The following PGM5 variants were observed in gnomAD, a reference collection of about 807,000 sequenced individuals.
The protein encoded by PGM5 is phosphoglucomutase-like protein 5.
Under a neutral mutation model 59.2 loss-of-function variants are expected in PGM5, and 23 were observed. That is an observed-to-expected ratio of 0.39 (90% CI 0.28 to 0.55). PGM5 has a LOEUF of 0.55. PGM5 is among the 20% of genes least tolerant of loss of function. The pLI is 0.66. For synonymous variants in PGM5, 214 were observed against 286.0 expected (o/e 0.75, Z 2.54); for missense variants, 574 against 748.3 (o/e 0.77, Z 2.72).
chr9:68,389,966 A>G (rs574899404), intron 4 of PGM5, among the ~76,000 whole-genome samples: 84 of 152,228 alleles, frequency 5.5e-4, no homozygotes, highest in African/African-American at 1.9e-3. Flanking sequence ...TTAGGATATT[A>G]CTGATATATT....
At chr9:68,376,379 T>C (rs1821883664) in intron 1 of PGM5, among the ~76,000 whole-genome samples, 1 of 152,130 alleles carries the variant, frequency 6.6e-6, no homozygotes, top group African/African-American at 2.4e-5. Flanking sequence ...TTATTGCTTA[T>C]TTGTTTATAA....
In PGM5 at chr9:68,406,254, G is replaced by A. The variant is rs1241634320; in HGVS notation, c.1043+13781G>A. The A allele has an allele frequency of 3.3e-5, 5 of 152,104 alleles. 1 individual carries two copies. In the South Asian group the frequency reaches 8.3e-4, roughly 25 times the overall value. 9.4% of individuals were successfully genotyped at this position (152,104 alleles called of 1,614,324 possible). A position where few individuals can be genotyped will look rare whatever the true frequency, so the allele number is the denominator to read the frequency against. On this transcript the variant is annotated intron_variant, in intron 6 of 10. Transcript: ENST00000396396. ...AGTCTATTTTTGGTTTCTTATAACA[G>A]AATACCTGAAACTTGGTAATTTATG...
intron 6 of PGM5, chr9:68,398,232 A>G (rs1363950502): frequency 1.1e-4 from 16 of 152,246 alleles, no homozygotes; most frequent in African/African-American, 3.9e-4. Flanking sequence ...CTATATTAAC[A>G]TAAAAGAAAA....
intron 6 of PGM5, among the ~76,000 whole-genome samples, chr9:68,425,566 A>G (rs542245888): frequency 3.3e-5 from 5 of 152,342 alleles, no homozygotes; most frequent in East Asian, 1.9e-4. Context: ...TTGAGTTTGG[A>G]TCAAATCCTA....
chr9:68,359,406 G>T (rs557678616), intron 1 of PGM5, among the ~76,000 whole-genome samples: 1 of 152,158 alleles, frequency 6.6e-6, no homozygotes, highest in Non-Finnish European at 1.5e-5. Context: ...GGGCATGGGT[G>T]AAGGGAATGG....
rs182002553 is a variant in PGM5 at position 68,474,446 on chromosome 9, T to C, written c.1160-4972T>C. On this transcript the variant is annotated intron_variant, in intron 7 of 10. Transcript: ENST00000396396. ...ATTGAGCATTCTCTTTATTTTTCCC[T>C]TTTCTTTTGTGAGGGCAATATACTT... Among the ~76,000 whole-genome samples, 30 of 152,284 alleles carry C rather than the reference T, an allele frequency of 2.0e-4. No homozygotes were observed. In the East Asian group the frequency reaches 5.2e-3, roughly 26 times the overall value.
chr9:68,472,861 G>T (rs1258004515), intron 7 of PGM5, among the ~76,000 whole-genome samples: 2 of 152,172 alleles, frequency 1.3e-5, no homozygotes, highest in East Asian at 1.9e-4. Context: ...GAGCCACATT[G>T]CCCACAGCAC....
intron 6 of PGM5, chr9:68,397,288 C>T (rs1376777791): frequency 6.5e-6 from 1 of 152,740 alleles, no homozygotes. Context: ...GTGTCATCAT[C>T]CTTCCATAAT....
chr9:68,379,352 A>G (rs1554678128), intron 2 of PGM5, among the ~76,000 whole-genome samples: 1 of 152,144 alleles, frequency 6.6e-6, no homozygotes, highest in South Asian at 2.1e-4. Flanking sequence ...ATTATTCCTC[A>G]TCCCAGGCAA....
chr9:68,360,456 T>C (rs1834554423), intron 1 of PGM5, among the ~76,000 whole-genome samples: 1 of 150,800 alleles, frequency 6.6e-6, no homozygotes, highest in South Asian at 2.1e-4. Context: ...CTATGGCAGC[T>C]CTCATACTCC....
chr9:68,512,877 A>G (rs1474523815), intron 10 of PGM5, among the ~76,000 whole-genome samples: 2 of 152,242 alleles, frequency 1.3e-5, no homozygotes, highest in African/African-American at 4.8e-5. Flanking sequence ...GAATTAGTGA[A>G]GCTATATTCC....
At chr9:68,528,570 T>A (rs1270161818) in intron 10 of PGM5, among the ~76,000 whole-genome samples, 1 of 152,232 alleles carries the variant, frequency 6.6e-6, no homozygotes, top group East Asian at 1.9e-4. Context: ...ACTTTGTTTT[T>A]ACCTCAATCT....
rs782775578 is a variant in PGM5 at position 68,392,462 on chromosome 9, G to C, written c.1032G>C (p.Met344Ile). The C allele has an allele frequency of 2.5e-5, 40 of 1,611,172 alleles. No homozygotes were observed. Among genetic ancestry groups the C allele is most frequent in the Non-Finnish European group, 6.8e-6 (8 of 1,179,386 alleles). ...RGFGRSMPTS[M>I]ALDRVAKSMK... ...TTGGGAGGAGTATGCCAACCAGCATGGCCCTGGACAGGTAAGCAAGGATGT... is the reference window on the plus strand; with the variant it reads ...TTGGGAGGAGTATGCCAACCAGCATCGCCCTGGACAGGTAAGCAAGGATGT... The change falls in exon 6 of 11, where the codon ATG becomes ATC. Residue 344 changes from methionine (M) to isoleucine (I), a missense_variant. Around this residue, in one of 7 missense-constraint regions of PGM5, gnomAD observed 8 missense variants for 75.4 expected, o/e 0.11. Transcript: ENST00000396396.
In PGM5 at chr9:68,387,559, T is replaced by G. The variant is rs782167360; in HGVS notation, c.668T>G (p.Leu223Arg). ...IKGLLTGPSQ[L>R]KIRIDAMHGV... is the part of the protein sequence containing the mutation. The stretch of plus-strand genomic sequence containing the variant: ...GGTTTGCTGACTGGACCCAGCCAAC[T>G]GAAGATTCGCATTGACGCAATGCAC... The change falls in exon 4 of 11, where the codon CTG becomes CGG. Residue 223 changes from leucine (L) to arginine (R), a missense_variant. This residue lies in a region of PGM5 where 103 missense variants were observed against 112.4 expected (regional missense o/e 0.92). Coordinates refer to ENST00000396396, the MANE Select transcript of PGM5 (RefSeq NM_021965.4). 1 of 1,612,032 alleles carries G rather than the reference T, an allele frequency of 6.2e-7. No individual in the cohort carries two copies. The highest frequency in any genetic ancestry group is 1.3e-5 in the African/African-American group (1 of 74,808).
chr9:68,387,518 C>T lies in PGM5; in HGVS notation c.627C>T (p.Asp209=), dbSNP rs782485178. ...TTAACCTCCTTCGGACCATCTTTGA[C>T]TTTCATGCCATCAAGGGTTTGCTGA... The part of the protein sequence containing the change: ...IYLNLLRTIF[D]FHAIKGLLTG... The change falls in exon 4 of 11, where the codon GAC becomes GAT. Residue 209 remains aspartate (D), a synonymous_variant. Transcript: ENST00000396396. The T allele has an allele frequency of 1.9e-6, 3 of 1,612,130 alleles. No homozygotes were observed. The highest frequency in any genetic ancestry group is 3.3e-5 in the Admixed American group (2 of 59,942).
At chr9:68,369,739 C>T (rs1329095491) in intron 1 of PGM5, among the ~76,000 whole-genome samples, 5 of 152,304 alleles carry the variant, frequency 3.3e-5, no homozygotes, top group Admixed American at 2.6e-4. Flanking sequence ...TGGTTTGATG[C>T]TCATGAACTC....
At position 68,469,259 on chromosome 9, in the gene PGM5, T is replaced by A. The variant is rs1275446653; in HGVS notation, c.1159+4051T>A. 8.5e-5 allele frequency among the ~76,000 whole-genome samples: 13 copies of A among 152,206 alleles called. 1 individual carries two copies. The highest frequency in any genetic ancestry group is 5.9e-5 in the Non-Finnish European group (4 of 68,036). On this transcript the variant is annotated intron_variant, in intron 7 of 10. Transcript: ENST00000396396. The stretch of plus-strand genomic sequence containing the variant: ...TGTGTTCTTTAAAAACTAATGTCAA[T>A]AGTCATACAAATTTGCCAACTAAAA...
rs185467253 is a variant in PGM5, at chr9:68,358,900, T to C, written c.261+1512T>C. 4.5e-4 allele frequency among the ~76,000 whole-genome samples: 69 copies of C among 152,326 alleles called. No homozygotes were observed. The Middle Eastern group carries it at 0.01, about 23-fold the overall frequency. The stretch of plus-strand genomic sequence containing the variant: ...TCTCTGGCTCCTCACTTGGGATTGA[T>C]GAAGTTTGGCTAGAATCAGGGAGTT... On this transcript the variant is annotated intron_variant, in intron 1 of 10. Coordinates refer to ENST00000396396, the MANE Select transcript of PGM5 (RefSeq NM_021965.4).
In PGM5 at chr9:68,393,459, AT is replaced by A. The variant is rs528493877; in HGVS notation, c.1043+990del. ...ACAATTGCCAACTACCAATTAATAA[AT>A]TTTGGCCGGGCGTGGCGACTCACAC... On this transcript the variant is annotated intron_variant, in intron 6 of 10. Coordinates refer to ENST00000396396, the MANE Select transcript of PGM5 (RefSeq NM_021965.4). Among the ~76,000 whole-genome samples the A allele has an allele frequency of 1.8e-3, 276 of 152,212 alleles. 2 individuals are homozygous for A. The highest frequency in any genetic ancestry group is 6.3e-3 in the African/African-American group (262 of 41,552).
Sources: gnomAD v4.1 joint callset for allele counts (sites outside exome capture counted in the v4.1 genomes callset) on GRCh38, gnomAD v4.1.1 for gene constraint, gnomAD v4.1.1 regional missense constraint, MANE v1.5 for transcripts, NCBI Gene and HGNC (gene_info 2026-07-23, HGNC 2026-07-21) for gene names.